ZMAT4: variants seen among roughly 807,000 people sequenced by gnomAD.
ZMAT4 encodes the protein zinc finger matrin-type protein 4.
In ZMAT4, 17 loss-of-function variants were observed where a neutral mutation model predicts 28.7. The observed-to-expected ratio is 0.59, with a 90% CI of 0.41 to 0.89. ZMAT4 has a LOEUF of 0.89. Among genes scored for constraint, ZMAT4 ranks in the 40% least tolerant of loss-of-function variants. The pLI is 0.00. For missense variants in ZMAT4, 240 were observed against 283.8 expected (o/e 0.85, Z 1.11); for synonymous variants, 117 against 109.2 (o/e 1.07, Z -0.44).
intron 6 of ZMAT4, 28 bp from the exon 7 acceptor site, chr8:40,532,266 A>G (rs1802713670): frequency 5.7e-6 from 9 of 1,567,126 alleles, no homozygotes; most frequent in South Asian, 1.2e-5. Context: ...ACACAGTGTT[A>G]CCTTCTTTCA....
intron 2 of ZMAT4, among the ~76,000 whole-genome samples, chr8:40,801,599 G>A (rs553552540): frequency 6.6e-6 from 1 of 151,956 alleles, no homozygotes; most frequent in South Asian, 2.1e-4. Flanking sequence ...GAATCCAGGA[G>A]GCAGAGGTGG....
At chr8:40,722,181 A>C (rs1213933459) in intron 3 of ZMAT4, among the ~76,000 whole-genome samples, 1 of 152,064 alleles carries the variant, frequency 6.6e-6, no homozygotes, top group East Asian at 1.9e-4. Context: ...AATGGGATCT[A>C]ATTAAACTAA....
intron 5 of ZMAT4, among the ~76,000 whole-genome samples, chr8:40,636,962 C>G (rs1484930557): frequency 2.0e-5 from 3 of 152,094 alleles, no homozygotes; most frequent in Non-Finnish European, 4.4e-5. Flanking sequence ...AACTAGGTAT[C>G]TTTAAAAAGT....
chr8:40,624,339 G>A (rs1440104754), intron 5 of ZMAT4, among the ~76,000 whole-genome samples: 1 of 152,176 alleles, frequency 6.6e-6, no homozygotes. Context: ...TCTGCAACTA[G>A]GATGAGAACT....
chr8:40,808,372 C>A, intron 2 of ZMAT4: 1 of 304,528 alleles, frequency 3.3e-6, no homozygotes, highest in Non-Finnish European at 6.4e-6. Flanking sequence ...GAAAATGCAG[C>A]TTAAGGGTGA....
intron 5 of ZMAT4, among the ~76,000 whole-genome samples, chr8:40,593,126 C>T (rs1804951934): frequency 1.3e-5 from 2 of 152,198 alleles, no homozygotes; most frequent in South Asian, 4.2e-4. Flanking sequence ...TCTTTCCTTC[C>T]CATGCCGGTG....
chr8:40,568,110 T>C (rs1045891903), intron 6 of ZMAT4, among the ~76,000 whole-genome samples: 1 of 152,146 alleles, frequency 6.6e-6, no homozygotes, highest in African/African-American at 2.4e-5. Flanking sequence ...AATAGTTTCA[T>C]TTATTTTATT....
intron 5 of ZMAT4, among the ~76,000 whole-genome samples, chr8:40,616,792 C>T (rs571538621): frequency 3.3e-5 from 5 of 150,642 alleles, no homozygotes; most frequent in South Asian, 4.2e-4. Context: ...TGCTAAATGA[C>T]GAGTTAATGG....
chr8:40,791,742 T>C (rs1224088033), intron 2 of ZMAT4, among the ~76,000 whole-genome samples: 1 of 152,232 alleles, frequency 6.6e-6, no homozygotes, highest in Non-Finnish European at 1.5e-5. Flanking sequence ...CACTTTTCAC[T>C]ACACTGAGCA....
chr8:40,740,123 A>C (rs2150533798), intron 3 of ZMAT4, among the ~76,000 whole-genome samples: 1 of 152,272 alleles, frequency 6.6e-6, no homozygotes, highest in Non-Finnish European at 1.5e-5. Context: ...ATGTGTCTTT[A>C]GAGTAGAATG....
intron 5 of ZMAT4, among the ~76,000 whole-genome samples, chr8:40,661,393 C>T (rs371092837): frequency 6.6e-6 from 1 of 152,198 alleles, no homozygotes; most frequent in African/African-American, 2.4e-5. Context: ...AGCCATCATG[C>T]CCAGCCGGTG....
intron 3 of ZMAT4, among the ~76,000 whole-genome samples, chr8:40,699,063 A>T (rs1810015985): frequency 6.6e-6 from 1 of 152,176 alleles, no homozygotes; most frequent in African/African-American, 2.4e-5. Context: ...TATGGAAATG[A>T]AATGGACCTG....
At chr8:40,558,649 C>T (rs952999093) in intron 6 of ZMAT4, among the ~76,000 whole-genome samples, 3 of 152,062 alleles carry the variant, frequency 2.0e-5, no homozygotes, top group Non-Finnish European at 4.4e-5. Flanking sequence ...ATCAAGTATT[C>T]TCTTTATGAC....
chr8:40,661,762 T>A (rs1808206052), intron 5 of ZMAT4, among the ~76,000 whole-genome samples: 1 of 152,188 alleles, frequency 6.6e-6, no homozygotes, highest in African/African-American at 2.4e-5. Flanking sequence ...GGATACGTCT[T>A]CCTAGAACCT....
At chr8:40,556,313 G>C (rs1377080308) in intron 6 of ZMAT4, among the ~76,000 whole-genome samples, 1 of 152,014 alleles carries the variant, frequency 6.6e-6, no homozygotes, top group Non-Finnish European at 1.5e-5. Flanking sequence ...ATAATTCATA[G>C]ACTTCTCAAA....
intron 2 of ZMAT4, among the ~76,000 whole-genome samples, chr8:40,824,466 A>T (rs1815946521): frequency 6.6e-6 from 1 of 152,150 alleles, no homozygotes; most frequent in South Asian, 2.1e-4. Flanking sequence ...AGAAAGAAAG[A>T]AAGTAAGAAA....
Position 40,651,472 on chromosome 8 carries a change from A to G in ZMAT4, c.577+23232T>C, listed in dbSNP as rs13271043. On this transcript the variant is annotated intron_variant, in intron 5 of 6. Transcript: ENST00000297737. ...AACATTCCATGCTCATGGGTAGGAA[A>G]AATCAATATCGTGAAAATGGCCATA... is the stretch of plus-strand genomic sequence containing the variant. Among the ~76,000 whole-genome samples the G allele has an allele frequency of 7.3e-5, 11 of 149,914 alleles. No individual in the cohort carries two copies. In the East Asian group the frequency reaches 7.9e-4, roughly 11 times the overall value.
chr8:40,676,965 A>C (rs1047451121), intron 4 of ZMAT4, among the ~76,000 whole-genome samples: 2 of 152,180 alleles, frequency 1.3e-5, no homozygotes, highest in African/African-American at 4.8e-5. Context: ...ATTGAATCTC[A>C]CTTTCAAAGC....
At chr8:40,595,826 G>A (rs1302330407) in intron 5 of ZMAT4, among the ~76,000 whole-genome samples, 1 of 152,138 alleles carries the variant, frequency 6.6e-6, no homozygotes, top group African/African-American at 2.4e-5. Flanking sequence ...GCTCACTCCT[G>A]TAATCCCAGC....
Sources: allele counts gnomAD v4.1 joint callset (sites outside exome capture counted in the v4.1 genomes callset), GRCh38; gene constraint gnomAD v4.1.1; transcripts MANE v1.5; gene names NCBI Gene and HGNC (gene_info 2026-07-23, HGNC 2026-07-21).